DLGAP2: variants seen among roughly 807,000 people sequenced by gnomAD.
DLGAP2 encodes DLG associated protein 2.
A neutral mutation model predicts 100.3 loss-of-function variants in DLGAP2; 26 were observed. That is an observed-to-expected ratio of 0.26 (90% CI 0.19 to 0.36). The LOEUF (loss-of-function observed/expected upper bound fraction) is 0.36. DLGAP2 is among the 10% of genes least tolerant of loss of function. The pLI, the probability that DLGAP2 is intolerant of heterozygous loss-of-function variation, is 1.00. For synonymous variants in DLGAP2, 886 were observed against 630.1 expected (o/e 1.41, Z -6.08); for missense variants, 1,858 against 1,453.2 (o/e 1.28, Z -4.53).
chr8:1,507,052 A>C (rs1277055838), intron 4 of DLGAP2, among the ~76,000 whole-genome samples: 4 of 152,226 alleles, frequency 2.6e-5, no homozygotes, highest in Non-Finnish European at 5.9e-5. Context: ...TCTCCTAGCT[A>C]CACATAAAAG....
chr8:899,224 C>T (rs1302697553), intron 1 of DLGAP2, among the ~76,000 whole-genome samples: 2 of 152,254 alleles, frequency 1.3e-5, no homozygotes, highest in Non-Finnish European at 2.9e-5. Context: ...CTTCAGTCCT[C>T]AGCTGCCCTA....
intron 2 of DLGAP2, among the ~76,000 whole-genome samples, chr8:968,819 A>C (rs896509419): frequency 2.0e-5 from 3 of 152,192 alleles, no homozygotes; most frequent in African/African-American, 7.2e-5. Flanking sequence ...AATGAGTCGC[A>C]GTGGATCCAC....
chr8:742,832 A>C (rs1310290125), intron 1 of DLGAP2, among the ~76,000 whole-genome samples: 1 of 152,052 alleles, frequency 6.6e-6, no homozygotes, highest in African/African-American at 2.4e-5. Flanking sequence ...ATTTGACCTC[A>C]CCGTATTTCA....
At chr8:1,295,121 G>T (rs1800141956) in intron 3 of DLGAP2, among the ~76,000 whole-genome samples, 1 of 152,172 alleles carries the variant, frequency 6.6e-6, no homozygotes, top group South Asian at 2.1e-4. Flanking sequence ...AGTGGGGACT[G>T]TGGGCTGTTC....
intron 12 of DLGAP2, among the ~76,000 whole-genome samples, chr8:1,684,286 C>G (rs972782533): frequency 2.6e-5 from 4 of 151,930 alleles, no homozygotes; most frequent in African/African-American, 9.7e-5. Context: ...GGACAGATGT[C>G]AAAACACTTG....
At chr8:1,084,665 A>C (rs1234496078) in intron 2 of DLGAP2, among the ~76,000 whole-genome samples, 1 of 152,198 alleles carries the variant, frequency 6.6e-6, no homozygotes, top group Non-Finnish European at 1.5e-5. Context: ...AGTTAGCGTG[A>C]TATCCTCCCA....
At chr8:1,617,377 T>C (rs1797190440) in intron 6 of DLGAP2, among the ~76,000 whole-genome samples, 1 of 152,224 alleles carries the variant, frequency 6.6e-6, no homozygotes, top group South Asian at 2.1e-4. Context: ...CTTCACAGCC[T>C]CACAGCATCT....
In DLGAP2 at chr8:921,946, A is replaced by T. The variant is rs891560286; in HGVS notation, c.73+13980A>T. On this transcript the variant is annotated intron_variant, in intron 2 of 14. Transcript: ENST00000637795. ...CTGCTTCTGGGGTGATGTCAGCCTTATCCTATGGGTGGGAGCCGGCTGCAG... is the reference window on the plus strand; with the variant it reads ...CTGCTTCTGGGGTGATGTCAGCCTTTTCCTATGGGTGGGAGCCGGCTGCAG... 2.2e-4 allele frequency among the ~76,000 whole-genome samples: 34 copies of T among 152,310 alleles called. No homozygotes were observed. In the East Asian group the frequency reaches 4.8e-3, roughly 22 times the overall value.
At chr8:1,506,362 A>G (rs537946317) in intron 4 of DLGAP2, among the ~76,000 whole-genome samples, 1 of 152,346 alleles carries the variant, frequency 6.6e-6, no homozygotes, top group South Asian at 2.1e-4. Flanking sequence ...ACTGACGTCA[A>G]GAATGAAGCT....
rs1801563940 is a variant in DLGAP2 at position 1,547,025 on chromosome 8, G to T, written c.173-1601G>T. On this transcript the variant is annotated intron_variant, in intron 4 of 14. Transcript: ENST00000637795. Reference sequence around the variant, plus strand: ...GGACGGCACACAGCAAGGCCGAGTGGTGTGGAGCCGGGTCTTGGAGTGAAT... The same window carrying T: ...GGACGGCACACAGCAAGGCCGAGTGTTGTGGAGCCGGGTCTTGGAGTGAAT... Among the ~76,000 whole-genome samples, 3 of 152,298 alleles carry T rather than the reference G, an allele frequency of 2.0e-5. No individual in the cohort carries two copies. In the South Asian group the frequency reaches 6.2e-4, roughly 32 times the overall value.
At chr8:1,435,345 C>T (rs956365740) in intron 3 of DLGAP2, among the ~76,000 whole-genome samples, 7 of 152,188 alleles carry the variant, frequency 4.6e-5, no homozygotes, top group Non-Finnish European at 7.3e-5. Flanking sequence ...TTGACTACAT[C>T]ACGCACCGCA....
At chr8:1,359,459 G>A (rs1257063900) in intron 3 of DLGAP2, among the ~76,000 whole-genome samples, 6 of 152,264 alleles carry the variant, frequency 3.9e-5, no homozygotes, top group Middle Eastern at 3.2e-3. Flanking sequence ...GAACGTGGGC[G>A]TGGGGACACG....
chr8:1,393,000 C>A (rs1333467514), intron 3 of DLGAP2, among the ~76,000 whole-genome samples: 1 of 73,552 alleles, frequency 1.4e-5, no homozygotes. Context: ...GGAAGGCATT[C>A]GAGGTTTTCA....
chr8:1,220,385 T>A (rs1329452298), intron 2 of DLGAP2, among the ~76,000 whole-genome samples: 1 of 152,178 alleles, frequency 6.6e-6, no homozygotes, highest in African/African-American at 2.4e-5. Context: ...AAGAGGAAGC[T>A]GTTTAATTTC....
intron 5 of DLGAP2, among the ~76,000 whole-genome samples, chr8:1,563,938 A>C (rs568573468): frequency 6.6e-6 from 1 of 152,210 alleles, no homozygotes; most frequent in Admixed American, 6.5e-5. Context: ...TACAGCAAGG[A>C]AAAAAAATAC....
chr8:1,302,536 CG>C (rs1374931874), intron 3 of DLGAP2: 2 of 130,278 alleles, frequency 1.5e-5, no homozygotes, highest in African/African-American at 5.8e-5. Flanking sequence ...GCTCCATACC[CG>C]GGACTGGACT....
intron 3 of DLGAP2, among the ~76,000 whole-genome samples, chr8:1,467,547 T>A (rs1170521430): frequency 6.6e-6 from 1 of 152,096 alleles, no homozygotes; most frequent in African/African-American, 2.4e-5. Flanking sequence ...AGCTGGCGTT[T>A]GCTGAGTGGA....
At chr8:1,235,884 TG>T (rs1798640941) in intron 2 of DLGAP2, among the ~76,000 whole-genome samples, 1 of 6,084 alleles carries the variant, frequency 1.6e-4, no homozygotes, top group African/African-American at 1.2e-3. Flanking sequence ...TCTAGTTCTC[TG>T]CCACATGGCG....
intron 3 of DLGAP2, among the ~76,000 whole-genome samples, chr8:1,483,107 C>T (rs1799143060): frequency 1.3e-5 from 2 of 152,180 alleles, no homozygotes; most frequent in South Asian, 2.1e-4. Context: ...GGAGATAAAC[C>T]ACGCTCGGTG....
Sources: gnomAD v4.1 joint callset for allele counts (sites outside exome capture counted in the v4.1 genomes callset) on GRCh38, gnomAD v4.1.1 for gene constraint, MANE v1.5 for transcripts, NCBI Gene and HGNC (gene_info 2026-07-23, HGNC 2026-07-21) for gene names.